The following PCDHA5 variants were observed in gnomAD, a reference collection of about 807,000 sequenced individuals.
PCDHA5 encodes the protein protocadherin alpha-5.
PCDHA5 carries 43 observed loss-of-function variants against 61.6 expected under a neutral mutation model. The ratio of observed to expected loss-of-function variants is 0.70; its 90% CI spans 0.55 to 0.90. The LOEUF (loss-of-function observed/expected upper bound fraction) is 0.90. Ranked by LOEUF, PCDHA5 falls within the 40% of genes least tolerant of loss-of-function variation. The pLI, the probability that PCDHA5 is intolerant of heterozygous loss-of-function variation, is 0.00. For missense variants in PCDHA5, 1,298 were observed against 1,222.7 expected (o/e 1.06, Z -0.92); for synonymous variants, 627 against 543.9 (o/e 1.15, Z -2.13).
chr5:140,917,313 T>C (rs1294382574), intron 1 of PCDHA5, among the ~76,000 whole-genome samples: 12 of 132,588 alleles, frequency 9.1e-5, no homozygotes, highest in African/African-American at 3.0e-4. Flanking sequence ...TACAATTTGG[T>C]GTTCATGTGG....
rs782251882 is a variant in PCDHA5 at position 140,869,140 on chromosome 5, C to T, written c.2352+45013C>T. 4 of 1,613,188 alleles carry T rather than the reference C, an allele frequency of 2.5e-6. No homozygotes were observed. In the South Asian group the frequency reaches 3.3e-5, roughly 13 times the overall value. On this transcript the variant is annotated intron_variant, in intron 1 of 3. Coordinates refer to ENST00000529859, the MANE Select transcript of PCDHA5 (RefSeq NM_018908.3). ...TCAGAGAAGGGGATTGGGCACCCCA[C>T]GACTACAGCTCTGGCTTCTCCTCCT...
chr5:140,941,461 G>A (rs1202773112), intron 1 of PCDHA5, among the ~76,000 whole-genome samples: 7 of 150,524 alleles, frequency 4.7e-5, no homozygotes, highest in Non-Finnish European at 7.4e-5. Context: ...GATTACAGGC[G>A]CCCACCACCA....
chr5:140,871,015 G>T (rs1554164977), intron 1 of PCDHA5: 4 of 1,613,124 alleles, frequency 2.5e-6, no homozygotes, highest in East Asian at 4.5e-5. Flanking sequence ...TGCCCTGGAC[G>T]AGGCAGACTC....
chr5:140,869,525 T>C, intron 1 of PCDHA5: 2 of 1,614,200 alleles, frequency 1.2e-6, no homozygotes, highest in Admixed American at 1.7e-5. Context: ...CAAAAGCTGC[T>C]GATTGCGGAA....
At chr5:140,967,042 G>A (rs781848948) in intron 1 of PCDHA5, 1 of 1,611,904 alleles carries the variant, frequency 6.2e-7, no homozygotes, top group Admixed American at 1.7e-5. Flanking sequence ...ACCTGGAGCT[G>A]GACCTGACGA....
chr5:140,842,435 A>G (rs2150336163), intron 1 of PCDHA5: 10 of 1,613,586 alleles, frequency 6.2e-6, no homozygotes, highest in Admixed American at 5.0e-5. Context: ...CATCGCCCTA[A>G]TTAGCGTGAA....
chr5:141,010,697 C>T lies in PCDHA5; in HGVS notation c.*760C>T, dbSNP rs1163164861. The T allele has an allele frequency of 6.3e-6, 1 of 158,698 alleles. No homozygotes were observed. 9.8% of individuals were successfully genotyped at this position (158,698 alleles called of 1,614,324 possible). A position where few individuals can be genotyped will look rare whatever the true frequency, so the allele number is the denominator to read the frequency against. On this transcript the variant is annotated 3_prime_UTR_variant, in exon 4 of 4. Coordinates refer to ENST00000529859, the MANE Select transcript of PCDHA5 (RefSeq NM_018908.3). ...AACAGAAGCAGATCTGATGTGTTTCCTATACATGTCCTGTGCTCACTTTAT... is the reference window on the plus strand; with the variant it reads ...AACAGAAGCAGATCTGATGTGTTTCTTATACATGTCCTGTGCTCACTTTAT...
At chr5:140,979,704 T>C (rs1430662594) in intron 2 of PCDHA5, among the ~76,000 whole-genome samples, 1 of 152,246 alleles carries the variant, frequency 6.6e-6, no homozygotes, top group Non-Finnish European at 1.5e-5. Context: ...TTTCTGGAGG[T>C]GATCCAGTAT....
At chr5:140,981,380 C>T (rs2096929731) in intron 2 of PCDHA5, among the ~76,000 whole-genome samples, 1 of 152,054 alleles carries the variant, frequency 6.6e-6, no homozygotes, top group Non-Finnish European at 1.5e-5. Flanking sequence ...TCAAGACCAG[C>T]CTGGTCAATA....
At chr5:140,827,938 A>G (rs1554130936) in intron 1 of PCDHA5, 1 of 1,127,878 alleles carries the variant, frequency 8.9e-7, no homozygotes, top group African/African-American at 1.6e-5. Flanking sequence ...AGTTATAGCT[A>G]GCCAACATTC....
At chr5:140,841,405 C>G (rs2150314710) in intron 1 of PCDHA5, 2 of 1,612,994 alleles carry the variant, frequency 1.2e-6, no homozygotes, top group African/African-American at 1.3e-5. Context: ...AGGTGGGGAG[C>G]GGCCAGCTCC....
intron 3 of PCDHA5, among the ~76,000 whole-genome samples, chr5:140,990,262 C>T (rs2097383201): frequency 6.6e-6 from 1 of 152,152 alleles, no homozygotes; most frequent in South Asian, 2.1e-4. Context: ...GGATACCAAA[C>T]AATGTACCCC....
At chr5:140,829,160 T>C (rs2150163172) in intron 1 of PCDHA5, 3 of 1,613,966 alleles carry the variant, frequency 1.9e-6, no homozygotes, top group Non-Finnish European at 2.5e-6. Context: ...TTCCTTATCC[T>C]TGCCTGTACG....
chr5:140,955,557 C>T (rs1281978824), intron 1 of PCDHA5, among the ~76,000 whole-genome samples: 1 of 152,114 alleles, frequency 6.6e-6, no homozygotes, highest in East Asian at 1.9e-4. Flanking sequence ...GCCTCCCCAG[C>T]CATACTGAAC....
rs1238256859 is a variant in PCDHA5, at chr5:141,010,204, C to T, written c.*267C>T. 6.4e-7 allele frequency: 1 copy of T among 1,551,970 alleles called. No homozygotes were observed. On this transcript the variant is annotated 3_prime_UTR_variant, in exon 4 of 4. Transcript: ENST00000529859. The stretch of plus-strand genomic sequence containing the variant: ...GACCCAAGTTTCCTTTCTCCTCCGC[C>T]GCAAAGGAGAGGCTTCCCAGCCCCG...
chr5:140,960,143 T>C (rs1250145398), intron 1 of PCDHA5, among the ~76,000 whole-genome samples: 1 of 152,208 alleles, frequency 6.6e-6, no homozygotes, highest in Non-Finnish European at 1.5e-5. Context: ...TAGATATTAA[T>C]AGCTTGAGAC....
At chr5:140,839,749 T>TC (rs1400438543) in intron 1 of PCDHA5, among the ~76,000 whole-genome samples, 2 of 152,066 alleles carry the variant, frequency 1.3e-5, no homozygotes, top group African/African-American at 4.8e-5. Flanking sequence ...TATTTGCCTT[T>TC]CCTATTTAAC....
chr5:140,925,447 T>G (rs2153577798), intron 1 of PCDHA5, among the ~76,000 whole-genome samples: 1 of 152,154 alleles, frequency 6.6e-6, no homozygotes, highest in Non-Finnish European at 1.5e-5. Context: ...AGAATTTGGG[T>G]GTATCTGTTG....
At position 140,822,643 on chromosome 5, in the gene PCDHA5, T is replaced by A; in HGVS notation, c.868T>A (p.Ser290Thr). ...TAATCTTGTTCTTGACGATGTAAAG[T>A]CCAAATTTATAATTAATTCTAATAC... ...FSNLVLDDVK[S>T]KFIINSNTGE... Residue 290 changes from serine to threonine, a missense_variant, in exon 1 of 4, where the codon TCC (serine) becomes ACC (threonine). Ser to Thr is a moderately conservative substitution (Grantham distance 58). Coordinates refer to ENST00000529859, the MANE Select transcript of PCDHA5 (RefSeq NM_018908.3). 6.2e-7 allele frequency: 1 copy of A among 1,610,486 alleles called. No individual in the cohort carries two copies. The highest frequency in any genetic ancestry group is 8.5e-7 in the Non-Finnish European group (1 of 1,177,668).
Sources: allele counts gnomAD v4.1 joint callset (sites outside exome capture counted in the v4.1 genomes callset), GRCh38; gene constraint gnomAD v4.1.1; transcripts MANE v1.5; gene names NCBI Gene and HGNC (gene_info 2026-07-23, HGNC 2026-07-21).